Variants in LRRC4C observed in about 807,000 individuals in gnomAD.
LRRC4C encodes the protein leucine-rich repeat-containing protein 4C.
A neutral mutation model predicts 33.6 loss-of-function variants in LRRC4C; 5 were observed. The observed-to-expected ratio is 0.15, with a 90% CI of 0.08 to 0.31. The LOEUF is 0.31. Among genes scored for constraint, LRRC4C ranks in the 10% least tolerant of loss-of-function variants. The pLI is 1.00. For missense variants in LRRC4C, 560 were observed against 796.7 expected (o/e 0.70, Z 3.58); for synonymous variants, 329 against 302.0 (o/e 1.09, Z -0.93).
At chr11:40,967,095 A>G (rs1320348237) in intron 1 of LRRC4C, among the ~76,000 whole-genome samples, 2 of 151,982 alleles carry the variant, frequency 1.3e-5, no homozygotes, top group Admixed American at 6.6e-5. Context: ...TTATCACCAA[A>G]TTTAGTTAGC....
chr11:40,645,986 C>T (rs2136116437), intron 3 of LRRC4C, among the ~76,000 whole-genome samples: 1 of 152,070 alleles, frequency 6.6e-6, no homozygotes, highest in East Asian at 1.9e-4. Context: ...TCCCTGCATC[C>T]AGGATATCCA....
At chr11:40,876,284 T>C (rs529030125) in intron 2 of LRRC4C, among the ~76,000 whole-genome samples, 8 of 140,252 alleles carry the variant, frequency 5.7e-5, no homozygotes, top group Non-Finnish European at 7.8e-5. Context: ...TTTTTTTTCA[T>C]TGGGGAGTAA....
At chr11:41,351,252 T>TACACACACACACACATAC (rs1021539775) in intron 1 of LRRC4C, among the ~76,000 whole-genome samples, 2 of 149,334 alleles carry the variant, frequency 1.3e-5, no homozygotes, top group Admixed American at 6.7e-5. Flanking sequence ...CACACACACA[T>TACACACACACACACATAC]ACACACACAC....
chr11:40,923,741 A>G (rs764721005), intron 2 of LRRC4C, among the ~76,000 whole-genome samples: 1 of 152,036 alleles, frequency 6.6e-6, no homozygotes, highest in African/African-American at 2.4e-5. Context: ...GAAAAATCTG[A>G]GAAAAAATGT....
At chr11:41,422,366 A>G (rs1343724975) in intron 1 of LRRC4C, among the ~76,000 whole-genome samples, 2 of 152,038 alleles carry the variant, frequency 1.3e-5, no homozygotes, top group Admixed American at 6.6e-5. Context: ...TGCTACCCAT[A>G]AGACCTGTAG....
chr11:41,258,042 A>T (rs1250089155), intron 1 of LRRC4C, among the ~76,000 whole-genome samples: 2 of 152,060 alleles, frequency 1.3e-5, no homozygotes, highest in African/African-American at 2.4e-5. Flanking sequence ...ATTCTAAAAC[A>T]AAACTTGTAG....
intron 6 of LRRC4C, among the ~76,000 whole-genome samples, chr11:40,133,925 G>A (rs1856810557): frequency 6.6e-6 from 1 of 152,172 alleles, no homozygotes; most frequent in Non-Finnish European, 1.5e-5. Context: ...TTGACACTTA[G>A]GGCCAAGTGT....
rs142021615 is a variant in LRRC4C at position 40,734,271 on chromosome 11, G to C, written c.-406-85993C>G. On this transcript the variant is annotated intron_variant, in intron 2 of 6. Transcript: ENST00000528697. ...AAACCCCCTGTAAGCCAAAAACAATGTATGGAATTTGACAGTGACAATATT... is the reference window on the plus strand; with the variant it reads ...AAACCCCCTGTAAGCCAAAAACAATCTATGGAATTTGACAGTGACAATATT... Among the ~76,000 whole-genome samples the C allele has an allele frequency of 5.3e-5, 8 of 152,250 alleles. No individual in the cohort carries two copies. In the East Asian group the frequency reaches 1.5e-3, roughly 29 times the overall value.
chr11:40,852,554 T>C (rs1953561591), intron 2 of LRRC4C, among the ~76,000 whole-genome samples: 4 of 152,190 alleles, frequency 2.6e-5, no homozygotes, highest in Admixed American at 2.6e-4. Context: ...TGTTTTGTAT[T>C]GTTTTAAATG....
chr11:41,427,197 A>G (rs955400366), intron 1 of LRRC4C, among the ~76,000 whole-genome samples: 1 of 151,964 alleles, frequency 6.6e-6, no homozygotes, highest in African/African-American at 2.4e-5. Context: ...TTTAGTTTTG[A>G]TGGGAAAAGT....
chr11:40,930,885 T>C (rs1281807967), intron 2 of LRRC4C, among the ~76,000 whole-genome samples: 1 of 152,186 alleles, frequency 6.6e-6, no homozygotes, highest in Non-Finnish European at 1.5e-5. Flanking sequence ...TCACAACTAA[T>C]GGAAAAACAG....
rs917299722 is a variant in LRRC4C, at chr11:41,381,653, T to C, written c.-496+77778A>G. ...AAAAAAAAAAAAGAAAAAAGAAAGA[T>C]GGAAAAAAGATAATAAGCAATTCTA... On this transcript the variant is annotated intron_variant, in intron 1 of 6. Transcript: ENST00000528697. Among the ~76,000 whole-genome samples the C allele has an allele frequency of 1.3e-4, 19 of 148,410 alleles. 1 individual carries two copies. The highest frequency in any genetic ancestry group is 2.7e-4 in the Non-Finnish European group (18 of 67,180).
chr11:40,443,107 G>A (rs529832777), intron 3 of LRRC4C, among the ~76,000 whole-genome samples: 1 of 152,278 alleles, frequency 6.6e-6, no homozygotes, highest in East Asian at 1.9e-4. Context: ...CATAAGAAGA[G>A]CTGGTTCAGT....
chr11:40,791,798 A>C lies in LRRC4C; in HGVS notation c.-407+141837T>G, dbSNP rs1370099330. Among the ~76,000 whole-genome samples, 6 of 152,194 alleles carry C rather than the reference A, an allele frequency of 3.9e-5. No homozygotes were observed. In the South Asian group the frequency reaches 1.0e-3, roughly 26 times the overall value. ...CTTCCTTCTGGACAGAGAATGGATC[A>C]GGTTCAGTAAGATTCTTTGGACATT... On this transcript the variant is annotated intron_variant, in intron 2 of 6. Coordinates refer to ENST00000528697, the MANE Select transcript of LRRC4C (RefSeq NM_001258419.2).
At chr11:41,265,182 T>C (rs2136775396) in intron 1 of LRRC4C, among the ~76,000 whole-genome samples, 1 of 152,312 alleles carries the variant, frequency 6.6e-6, no homozygotes, top group South Asian at 2.1e-4. Context: ...TAGCATGTTA[T>C]AACTTAGAGT....
chr11:40,176,685 T>A (rs1234796987), intron 5 of LRRC4C, among the ~76,000 whole-genome samples: 1 of 151,842 alleles, frequency 6.6e-6, no homozygotes, highest in Non-Finnish European at 1.5e-5. Context: ...GTACTGCAGG[T>A]GCACATGACC....
intron 3 of LRRC4C, among the ~76,000 whole-genome samples, chr11:40,485,784 A>G (rs1311207565): frequency 2.0e-5 from 3 of 152,140 alleles, no homozygotes; most frequent in African/African-American, 7.2e-5. Context: ...GATAAAGAAA[A>G]TGTGGTACAT....
intron 1 of LRRC4C, among the ~76,000 whole-genome samples, chr11:41,388,325 A>T (rs908831610): frequency 8.6e-5 from 13 of 151,858 alleles, no homozygotes; most frequent in Admixed American, 7.9e-4. Flanking sequence ...CTAGCCTTAC[A>T]CATAGGGCAA....
chr11:40,340,579 G>T (rs1274592628), intron 3 of LRRC4C, among the ~76,000 whole-genome samples: 1 of 152,038 alleles, frequency 6.6e-6, no homozygotes, highest in African/African-American at 2.4e-5. Flanking sequence ...TTTATCAATG[G>T]CTGTGTGCAG....
Sources: gnomAD v4.1 joint callset for allele counts (sites outside exome capture counted in the v4.1 genomes callset) on GRCh38, gnomAD v4.1.1 for gene constraint, MANE v1.5 for transcripts, NCBI Gene and HGNC (gene_info 2026-07-23, HGNC 2026-07-21) for gene names.